KCNJ16: variants seen among roughly 807,000 people sequenced by gnomAD.
KCNJ16 encodes potassium inwardly rectifying channel subfamily J member 16.
Under a neutral mutation model 18.5 loss-of-function variants are expected in KCNJ16, and 15 were observed. That is an observed-to-expected ratio of 0.81 (90% CI 0.54 to 1.25). The LOEUF is 1.25. Among genes scored for constraint, KCNJ16 ranks in the 50% most tolerant of loss-of-function variants. KCNJ16 has a pLI of 0.00. For missense variants in KCNJ16, 523 were observed against 525.7 expected, an observed-to-expected ratio of 0.99 and a Z score of 0.05; for synonymous variants, 174 against 186.5, an observed-to-expected ratio of 0.93 and a Z score of 0.55.
chr17:70,082,089 T>A (rs1300754600), intron 1 of KCNJ16, among the ~76,000 whole-genome samples: 4 of 152,154 alleles, frequency 2.6e-5, no homozygotes, highest in African/African-American at 9.7e-5. Context: ...GATTAGTCCA[T>A]CAGCTCCCTG....
chr17:70,123,708 C>A (rs1186923903), intron 2 of KCNJ16, among the ~76,000 whole-genome samples: 1 of 148,736 alleles, frequency 6.7e-6, no homozygotes. Flanking sequence ...TAAGATGTGG[C>A]AAAAAAAAAA....
Position 70,132,148 on chromosome 17 carries a change from C to A in KCNJ16, c.61C>A (p.Pro21Thr). The change falls in exon 4 of 4, where the codon CCG becomes ACG. Residue 21 changes from proline to threonine, a missense_variant. Coordinates refer to ENST00000392671, the MANE Select transcript of KCNJ16 (RefSeq NM_170741.4). ...INADAKYPGY[P>T]PEHIIAEKRR... ...TGCGGACGCAAAATACCCAGGCTAC[C>A]CGCCAGAGCACATTATAGCTGAGAA... The A allele has an allele frequency of 1.2e-6, 2 of 1,614,200 alleles. No individual in the cohort carries two copies. Among genetic ancestry groups the A allele is most frequent in the Non-Finnish European group, 1.7e-6 (2 of 1,180,042 alleles).
intron 1 of KCNJ16, among the ~76,000 whole-genome samples, chr17:70,083,650 C>T (rs2071658040): frequency 1.3e-5 from 2 of 152,058 alleles, no homozygotes; most frequent in Admixed American, 1.3e-4. Context: ...TGCGTATATA[C>T]ACTCTATGAT....
chr17:70,084,901 G>A (rs1219014376), intron 1 of KCNJ16, among the ~76,000 whole-genome samples: 2 of 151,906 alleles, frequency 1.3e-5, no homozygotes, highest in African/African-American at 4.8e-5. Context: ...CTTGTTTATC[G>A]GCACCATCTT....
At chr17:70,106,997 A>G (rs976042893) in intron 2 of KCNJ16, among the ~76,000 whole-genome samples, 3 of 152,198 alleles carry the variant, frequency 2.0e-5, no homozygotes, top group African/African-American at 4.8e-5. Flanking sequence ...TTCTTCTACC[A>G]TTGTTACAGT....
intron 2 of KCNJ16, among the ~76,000 whole-genome samples, chr17:70,108,638 C>G (rs929213374): frequency 6.6e-6 from 1 of 152,074 alleles, no homozygotes; most frequent in Non-Finnish European, 1.5e-5. Flanking sequence ...AAAGAGGTAC[C>G]AGGAATCAAA....
intron 1 of KCNJ16, among the ~76,000 whole-genome samples, chr17:70,092,604 T>C (rs1567782711): frequency 6.6e-6 from 1 of 151,280 alleles, no homozygotes; most frequent in African/African-American, 2.4e-5. Flanking sequence ...GATAGATAGA[T>C]AGATAGATGA....
At chr17:70,077,963 T>C (rs925151999) in intron 1 of KCNJ16, among the ~76,000 whole-genome samples, 4 of 152,198 alleles carry the variant, frequency 2.6e-5, no homozygotes, top group African/African-American at 9.6e-5. Context: ...CTGGTTAGCT[T>C]CTGCAGACTG....
chr17:70,089,483 A>C (rs1184220913), intron 1 of KCNJ16, among the ~76,000 whole-genome samples: 1 of 152,172 alleles, frequency 6.6e-6, no homozygotes, highest in African/African-American at 2.4e-5. Flanking sequence ...AACCATTTAA[A>C]ATTTTTGTTT....
At chr17:70,131,461 G>C in intron 3 of KCNJ16, 1 of 998,612 alleles carries the variant, frequency 1.0e-6, no homozygotes, top group Non-Finnish European at 1.2e-6. Flanking sequence ...GGAAGAGAGA[G>C]CAAGCACCAG....
rs76720282 is a variant in KCNJ16 at position 70,113,232 on chromosome 17, T to A, written c.-191+12466T>A. Among the ~76,000 whole-genome samples the A allele has an allele frequency of 3.9e-5, 6 of 152,304 alleles. No individual in the cohort carries two copies. The East Asian group carries it at 1.2e-3, about 29-fold the overall frequency. On this transcript the variant is annotated intron_variant, in intron 2 of 3. Transcript: ENST00000392671. ...GCCAAATACCAGGGAAGCATCTTTG[T>A]TCCTTAAATGCTGGGAAAAGTCTTA...
intron 1 of KCNJ16, among the ~76,000 whole-genome samples, chr17:70,086,721 C>T (rs931013384): frequency 6.6e-6 from 1 of 152,118 alleles, no homozygotes; most frequent in African/African-American, 2.4e-5. Flanking sequence ...TTGGCATTTC[C>T]TTTTACGTAA....
intron 1 of KCNJ16, among the ~76,000 whole-genome samples, chr17:70,086,202 T>C (rs2071789205): frequency 6.6e-6 from 1 of 152,206 alleles, no homozygotes; most frequent in Admixed American, 6.5e-5. Flanking sequence ...ATGAGAATTT[T>C]TGTGAGAAAG....
intron 2 of KCNJ16, among the ~76,000 whole-genome samples, chr17:70,114,879 A>G (rs2073341556): frequency 6.6e-6 from 1 of 152,194 alleles, no homozygotes. Context: ...TGGTTTGGCT[A>G]AGACTGTAGT....
At chr17:70,079,409 T>G (rs764760687) in intron 1 of KCNJ16, among the ~76,000 whole-genome samples, 2 of 152,210 alleles carry the variant, frequency 1.3e-5, no homozygotes, top group Non-Finnish European at 2.9e-5. Flanking sequence ...CTAATATGTA[T>G]CTTCCTAGCA....
intron 3 of KCNJ16, chr17:70,131,516 G>C: frequency 5.1e-6 from 5 of 980,166 alleles, no homozygotes; most frequent in Non-Finnish European, 6.1e-6. Flanking sequence ...AATTATGAAA[G>C]TTACATTATG....
intron 1 of KCNJ16, among the ~76,000 whole-genome samples, chr17:70,087,476 C>T (rs992516099): frequency 6.6e-6 from 1 of 151,954 alleles, no homozygotes; most frequent in Non-Finnish European, 1.5e-5. Context: ...CCAAGGTGGG[C>T]GGATCATTTG....
chr17:70,098,572 T>C (rs1215248206), intron 1 of KCNJ16, among the ~76,000 whole-genome samples: 2 of 151,854 alleles, frequency 1.3e-5, no homozygotes, highest in Admixed American at 6.6e-5. Flanking sequence ...TAGTGGCATA[T>C]AATAATTGTA....
chr17:70,096,906 A>G (rs1287348834), intron 1 of KCNJ16: 1 of 398,234 alleles, frequency 2.5e-6, no homozygotes, highest in Non-Finnish European at 4.4e-6. Context: ...TTAAAATATG[A>G]TACTTCAGAA....
Sources: gnomAD v4.1 joint callset for allele counts (sites outside exome capture counted in the v4.1 genomes callset) on GRCh38, gnomAD v4.1.1 for gene constraint, MANE v1.5 for transcripts, NCBI Gene and HGNC (gene_info 2026-07-23, HGNC 2026-07-21) for gene names.